Variants in SHISA9 observed in about 807,000 individuals in gnomAD.
SHISA9 encodes shisa family member 9, also known as protein shisa-9.
Under a neutral mutation model 38.0 loss-of-function variants are expected in SHISA9, and 13 were observed. The observed-to-expected ratio is 0.34, with a 90% CI of 0.22 to 0.54. The LOEUF is 0.54. Among genes scored for constraint, SHISA9 ranks in the 20% least tolerant of loss-of-function variants. The pLI is 0.91. For missense variants in SHISA9, 538 were observed against 575.8 expected, an observed-to-expected ratio of 0.93 and a Z score of 0.67; for synonymous variants, 275 against 242.0, an observed-to-expected ratio of 1.14 and a Z score of -1.27.
At chr16:13,005,083 C>T (rs540146283) in intron 2 of SHISA9, among the ~76,000 whole-genome samples, 2 of 152,018 alleles carry the variant, frequency 1.3e-5, no homozygotes, top group African/African-American at 4.8e-5. Flanking sequence ...CTGGGTTAGG[C>T]AATTAAGACC....
At chr16:13,010,468 T>C (rs2072658418) in intron 2 of SHISA9, among the ~76,000 whole-genome samples, 1 of 152,168 alleles carries the variant, frequency 6.6e-6, no homozygotes, top group African/African-American at 2.4e-5. Context: ...TGAGGATACT[T>C]GACATGTTGA....
At chr16:13,364,859 G>A in the SHISA9 span, among the ~76,000 whole-genome samples, 3 of 152,208 alleles carry the variant, frequency 2.0e-5, no homozygotes, top group Non-Finnish European at 2.9e-5. Context: ...CAGGCTAGGG[G>A]TTCCGTCTTT....
At chr16:13,527,911 G>A in the SHISA9 span, among the ~76,000 whole-genome samples, 2 of 152,142 alleles carry the variant, frequency 1.3e-5, no homozygotes, top group Non-Finnish European at 2.9e-5. Flanking sequence ...TTCAGGAAAC[G>A]TGATAGAAAA....
the SHISA9 span, among the ~76,000 whole-genome samples, chr16:13,527,583 A>G: frequency 6.6e-6 from 1 of 152,300 alleles, no homozygotes; most frequent in African/African-American, 2.4e-5. Flanking sequence ...TGTAGGTAGT[A>G]AAGGAAGCTA....
At chr16:13,365,129 A>G in the SHISA9 span, among the ~76,000 whole-genome samples, 3 of 152,164 alleles carry the variant, frequency 2.0e-5, no homozygotes, top group African/African-American at 4.8e-5. Flanking sequence ...ATATGTATGC[A>G]TTTTCCAGAC....
At chr16:13,114,337 G>A (rs1447340461) in intron 2 of SHISA9, among the ~76,000 whole-genome samples, 1 of 151,386 alleles carries the variant, frequency 6.6e-6, no homozygotes, top group African/African-American at 2.4e-5. Context: ...GTGGTGGCGG[G>A]CGCCTGTAGT....
chr16:12,963,164 G>C (rs182891784), intron 2 of SHISA9, among the ~76,000 whole-genome samples: 96 of 152,342 alleles, frequency 6.3e-4, no homozygotes, highest in African/African-American at 2.1e-3. Context: ...GGCACTTTAA[G>C]TGCCATTTGT....
At chr16:13,245,978 G>C in the SHISA9 span, among the ~76,000 whole-genome samples, 4 of 152,014 alleles carry the variant, frequency 2.6e-5, no homozygotes, top group Non-Finnish European at 5.9e-5. Context: ...TTCAACACAA[G>C]CTCTCTCCAG....
intron 2 of SHISA9, among the ~76,000 whole-genome samples, chr16:13,107,663 G>T (rs1278451407): frequency 1.3e-5 from 2 of 152,116 alleles, no homozygotes; most frequent in Non-Finnish European, 2.9e-5. Context: ...GACAGCTGCA[G>T]TAGGGGTGGC....
At chr16:13,344,347 T>C in the SHISA9 span, among the ~76,000 whole-genome samples, 134 of 152,276 alleles carry the variant, frequency 8.8e-4, 1 homozygote, top group African/African-American at 2.9e-3. Flanking sequence ...TGTGTGTGTA[T>C]AGGAATGGGG....
At chr16:12,928,453 AC>A (rs2071421831) in intron 2 of SHISA9, among the ~76,000 whole-genome samples, 1 of 152,172 alleles carries the variant, frequency 6.6e-6, no homozygotes, top group African/African-American at 2.4e-5. Flanking sequence ...CAACCATGAA[AC>A]TTGTCTGGTT....
chr16:13,443,214 A>AT, the SHISA9 span, among the ~76,000 whole-genome samples: 1 of 152,212 alleles, frequency 6.6e-6, no homozygotes, highest in Non-Finnish European at 1.5e-5. Context: ...TGTTGAAGAG[A>AT]TTTTATTGAG....
chr16:13,139,899 C>T (rs2050384356), intron 2 of SHISA9, among the ~76,000 whole-genome samples: 1 of 152,154 alleles, frequency 6.6e-6, no homozygotes, highest in Non-Finnish European at 1.5e-5. Context: ...GGCTCTGACT[C>T]AGTTGAGGTC....
intron 2 of SHISA9, among the ~76,000 whole-genome samples, chr16:12,998,977 C>T (rs544374956): frequency 6.6e-5 from 10 of 152,232 alleles, no homozygotes; most frequent in African/African-American, 1.7e-4. Context: ...TTAGTCACTA[C>T]ATTTTTGTCA....
intron 2 of SHISA9, among the ~76,000 whole-genome samples, chr16:12,945,659 G>A (rs1377129412): frequency 2.0e-5 from 3 of 152,156 alleles, no homozygotes; most frequent in Non-Finnish European, 4.4e-5. Context: ...ACCTCCCTGG[G>A]CCTTAGTTTT....
At chr16:13,402,856 C>T in the SHISA9 span, among the ~76,000 whole-genome samples, 35 of 152,270 alleles carry the variant, frequency 2.3e-4, 1 homozygote, top group Admixed American at 1.8e-3. Flanking sequence ...CAGTGGCTCA[C>T]GCCAGTCATT....
chr16:12,985,036 C>G (rs1452573424), intron 2 of SHISA9, among the ~76,000 whole-genome samples: 26 of 152,104 alleles, frequency 1.7e-4, no homozygotes, highest in Admixed American at 1.7e-3. Flanking sequence ...GAACCCACTC[C>G]CTCATTGGTT....
chr16:13,110,365 C>G (rs2073966359), intron 2 of SHISA9, among the ~76,000 whole-genome samples: 1 of 152,136 alleles, frequency 6.6e-6, no homozygotes, highest in Non-Finnish European at 1.5e-5. Flanking sequence ...GATGCAGTGG[C>G]TGTAAAAGCA....
At chr16:13,021,837 T>A (rs1477185990) in intron 2 of SHISA9, among the ~76,000 whole-genome samples, 1 of 152,192 alleles carries the variant, frequency 6.6e-6, no homozygotes, top group African/African-American at 2.4e-5. Flanking sequence ...CTTTTCTCCA[T>A]GGGCTGAGGG....
Sources: allele counts gnomAD v4.1 joint callset (sites outside exome capture counted in the v4.1 genomes callset), GRCh38; gene constraint gnomAD v4.1.1; transcripts MANE v1.5; gene names NCBI Gene and HGNC (gene_info 2026-07-23, HGNC 2026-07-21).